CREBBP: variants seen among roughly 807,000 people sequenced by gnomAD.
CREBBP encodes CREB-binding protein.
Under a neutral mutation model 265.0 loss-of-function variants are expected in CREBBP, and 19 were observed. That is an observed-to-expected ratio of 0.07 (90% CI 0.05 to 0.11). The LOEUF (loss-of-function observed/expected upper bound fraction) is 0.11, where lower values mean the gene tolerates loss of function less well. Ranked by LOEUF, CREBBP falls within the 10% of genes least tolerant of loss-of-function variation. The pLI, the probability that CREBBP is intolerant of heterozygous loss-of-function variation, is 1.00. For synonymous variants in CREBBP, 1,457 were observed against 1,223.7 expected, an observed-to-expected ratio of 1.19 and a Z score of -3.98; for missense variants, 2,525 against 3,219.0, an observed-to-expected ratio of 0.78 and a Z score of 5.22.
rs886820660 is a variant in CREBBP, at chr16:3,793,325, G to C, written c.1216+61C>G. ...CTTATGAACCAGAGAGCTGCTGTAA[G>C]AACAATAAAGGCAAATTCTTCCTGA... On this transcript the variant is annotated intron_variant, in intron 4 of 30. Coordinates refer to ENST00000262367, the MANE Select transcript of CREBBP (RefSeq NM_004380.3). The C allele has an allele frequency of 6.2e-6, 10 of 1,610,260 alleles. No homozygotes were observed. The African/African-American group carries it at 1.3e-4, about 22-fold the overall frequency.
intron 2 of CREBBP, among the ~76,000 whole-genome samples, chr16:3,834,369 G>A (rs754520425): frequency 1.3e-5 from 2 of 152,126 alleles, no homozygotes; most frequent in Non-Finnish European, 2.9e-5. Flanking sequence ...TCTTTCAGTA[G>A]GTAAAGGGAT....
rs115518161 is a variant in CREBBP, at chr16:3,812,732, C to T, written c.799-1953G>A. On this transcript the variant is annotated intron_variant, in intron 2 of 30. Transcript: ENST00000262367. ...TATCTTTCTCCCTGTGGAGAAACAA[C>T]GACTAATTAAGAAACTGGATGCTTG... Among the ~76,000 whole-genome samples, 364 of 152,250 alleles carry T rather than the reference C, an allele frequency of 2.4e-3. 1 individual carries two copies. The highest frequency in any genetic ancestry group is 8.6e-3 in the African/African-American group (357 of 41,528).
chr16:3,781,707 T>C (rs924074897), intron 6 of CREBBP, among the ~76,000 whole-genome samples: 1 of 152,072 alleles, frequency 6.6e-6, no homozygotes, highest in Non-Finnish European at 1.5e-5. Flanking sequence ...GAAAATAAAA[T>C]CATAGAAATT....
intron 12 of CREBBP, 41 bp from the exon 13 acceptor site, chr16:3,773,971 C>T (rs1191156497): frequency 7.5e-6 from 12 of 1,608,238 alleles, no homozygotes; most frequent in Non-Finnish European, 1.0e-5. Flanking sequence ...AGTTCGGAAG[C>T]TGACGGCCAG....
Position 3,778,036 on chromosome 16 carries a change from T to C in CREBBP, c.2088A>G (p.Pro696=), listed in dbSNP as rs2053186618. 13 of 1,614,190 alleles carry C rather than the reference T, an allele frequency of 8.1e-6. No individual in the cohort carries two copies. The highest frequency in any genetic ancestry group is 1.3e-5 in the African/African-American group (1 of 75,064). ...TTGGAGGTCTCACAGGTTGTGCCTG[T>C]GGAATCACAGGGGGCTGAGCCCCCG... is the stretch of plus-strand genomic sequence containing the variant. The part of the protein sequence containing the change: ...PAPGAQPPVI[P]QAQPVRPPNG... Residue 696 remains proline (P), a synonymous_variant, in exon 10 of 31, where the codon CCA becomes CCG. Transcript: ENST00000262367.
intron 16 of CREBBP, among the ~76,000 whole-genome samples, chr16:3,762,899 C>A (rs181607804): frequency 4.6e-5 from 7 of 151,938 alleles, no homozygotes; most frequent in Non-Finnish European, 7.4e-5. Flanking sequence ...CTCAGCCTCC[C>A]GAGTCGCTGG....
chr16:3,766,887 G>C (rs2052866342), intron 16 of CREBBP, among the ~76,000 whole-genome samples: 2 of 152,046 alleles, frequency 1.3e-5, no homozygotes, highest in Admixed American at 6.6e-5. Context: ...ACAACTCTCT[G>C]GGGCCCTCAA....
intron 28 of CREBBP, among the ~76,000 whole-genome samples, chr16:3,735,753 A>G (rs916203300): frequency 2.6e-5 from 4 of 152,124 alleles, no homozygotes; most frequent in Non-Finnish European, 4.4e-5. Flanking sequence ...TTTTTACATC[A>G]GCGGGTTGTG....
intron 2 of CREBBP, among the ~76,000 whole-genome samples, chr16:3,818,264 G>C (rs1441274142): frequency 6.6e-6 from 1 of 151,232 alleles, no homozygotes; most frequent in African/African-American, 2.4e-5. Flanking sequence ...GAAACTCTCA[G>C]TGCAACAAGT....
At chr16:3,736,863 G>A (rs2151330477) in intron 26 of CREBBP, 48 bp from the exon 27 acceptor site, 1 of 1,611,006 alleles carries the variant, frequency 6.2e-7, no homozygotes, top group Non-Finnish European at 8.5e-7. Context: ...AGTGAAATCG[G>A]CCCTGCCTTT....
intron 2 of CREBBP, among the ~76,000 whole-genome samples, chr16:3,833,373 C>T (rs2054380871): frequency 1.3e-5 from 2 of 152,204 alleles, no homozygotes; most frequent in South Asian, 4.1e-4. Context: ...GATAGCACCA[C>T]TGCACTTCAG....
At position 3,879,978 on chromosome 16, in the gene CREBBP, G is replaced by T; in HGVS notation, c.-62C>A. 2 of 1,511,858 alleles carry T rather than the reference G, an allele frequency of 1.3e-6. No homozygotes were observed. The highest frequency in any genetic ancestry group is 1.2e-5 in the South Asian group (1 of 84,610). 93.7% of individuals were successfully genotyped at this position (1,511,858 alleles called of 1,614,324 possible). ...GGCCGGGCCGGCGAGGGCCCGGACGGGGGTCGGGGGCCCTGCCGGCTGCGA... is the reference window on the plus strand; with the variant it reads ...GGCCGGGCCGGCGAGGGCCCGGACGTGGGTCGGGGGCCCTGCCGGCTGCGA... On this transcript the variant is annotated 5_prime_UTR_variant, in exon 1 of 31. Transcript: ENST00000262367.
intron 17 of CREBBP, among the ~76,000 whole-genome samples, 180 bp downstream of exon 17, chr16:3,758,674 A>T (rs1241939470): frequency 2.0e-5 from 3 of 152,238 alleles, no homozygotes; most frequent in Admixed American, 2.0e-4. Flanking sequence ...CTTCATGAAC[A>T]GGTGAAATCA....
Position 3,731,647 on chromosome 16 carries a change from G to T in CREBBP, c.4890+129C>A. 1 of 1,443,342 alleles carries T rather than the reference G, an allele frequency of 6.9e-7. No homozygotes were observed. Among genetic ancestry groups the T allele is most frequent in the Non-Finnish European group, 9.7e-7 (1 of 1,031,308 alleles). 89.4% of individuals were successfully genotyped at this position (1,443,342 alleles called of 1,614,324 possible). ...CACGTTGCATGATGTCACCCAACTG[G>T]TCCACTTGGTTTCCTGGGGGCCACT... On this transcript the variant is annotated intron_variant, in intron 29 of 30. Coordinates refer to ENST00000262367, the MANE Select transcript of CREBBP (RefSeq NM_004380.3). This position sits in a 1 kb window ranked among gnomAD's most constrained non-coding sequence, Gnocchi z 7.7.
intron 11 of CREBBP, among the ~76,000 whole-genome samples, chr16:3,776,333 T>C (rs1470642462): frequency 3.3e-5 from 5 of 152,030 alleles, no homozygotes; most frequent in Non-Finnish European, 7.4e-5. Flanking sequence ...CCTGCTTGGG[T>C]CTCAATGGTC....
At chr16:3,742,097 CAA>C (rs34412460) in intron 23 of CREBBP, 20,443 of 143,980 alleles carry the variant, frequency 0.14, 3,554 homozygotes, top group African/African-American at 0.41. Flanking sequence ...CAAAACAAAA[CAA>C]AAAAAAAACA....
chr16:3,854,892 G>GT (rs1233881249), intron 1 of CREBBP, among the ~76,000 whole-genome samples: 1 of 152,238 alleles, frequency 6.6e-6, no homozygotes, highest in Non-Finnish European at 1.5e-5. Flanking sequence ...GTACATGCAT[G>GT]TAACAGTTTT....
chr16:3,854,371 C>T (rs2054917366), intron 1 of CREBBP, among the ~76,000 whole-genome samples: 1 of 152,170 alleles, frequency 6.6e-6, no homozygotes, highest in South Asian at 2.1e-4. Context: ...CACTTGCATG[C>T]TAAGGATGGC....
At chr16:3,840,678 C>A (rs755381111) in intron 2 of CREBBP, 1 of 164,704 alleles carries the variant, frequency 6.1e-6, no homozygotes, top group Non-Finnish European at 1.3e-5. Context: ...AACCCTAGTA[C>A]CAAATTCTCT....
Sources: allele counts gnomAD v4.1 joint callset (sites outside exome capture counted in the v4.1 genomes callset), GRCh38; gene constraint gnomAD v4.1.1; non-coding constraint Gnocchi (gnomAD v3.1); transcripts MANE v1.5; gene names NCBI Gene and HGNC (gene_info 2026-07-23, HGNC 2026-07-21).